Variants in DNAJC8 observed in about 807,000 individuals in gnomAD.
The protein encoded by DNAJC8 is DnaJ heat shock protein family (Hsp40) member C8, also known as dnaJ homolog subfamily C member 8.
DNAJC8 carries 24 observed loss-of-function variants against 43.2 expected under a neutral mutation model. That is an observed-to-expected ratio of 0.56 (90% CI 0.40 to 0.78). The LOEUF is 0.78. Among genes scored for constraint, DNAJC8 ranks in the 30% least tolerant of loss-of-function variants. The probability of loss-of-function intolerance (pLI) is 0.00; values close to 1 mark genes in which losing one functional copy is unlikely to be tolerated. For synonymous variants in DNAJC8, 83 were observed against 98.0 expected, an observed-to-expected ratio of 0.85 and a Z score of 0.90; for missense variants, 207 against 299.4, an observed-to-expected ratio of 0.69 and a Z score of 2.28.
At chr1:28,224,907 G>A (rs1646923604) in intron 2 of DNAJC8, among the ~76,000 whole-genome samples, 1 of 144,528 alleles carries the variant, frequency 6.9e-6, no homozygotes, top group Admixed American at 6.9e-5. Flanking sequence ...AAACCAAAGA[G>A]CCAAACACAG....
At chr1:28,219,156 T>C (rs1205413960) in intron 2 of DNAJC8, among the ~76,000 whole-genome samples, 2 of 152,098 alleles carry the variant, frequency 1.3e-5, no homozygotes, top group Non-Finnish European at 2.9e-5. Flanking sequence ...TACAACATGA[T>C]GTTATGGGAT....
At chr1:28,208,544 A>G (rs76274771) in intron 5 of DNAJC8, 131 bp from the exon 6 acceptor site, 1 of 438,494 alleles carries the variant, frequency 2.3e-6, no homozygotes, top group Non-Finnish European at 3.9e-6. Context: ...AAAAAAAAAA[A>G]GAGCCCCTCC....
chr1:28,214,305 CAGGTAGATCACTTG>C (rs895575985), intron 3 of DNAJC8, among the ~76,000 whole-genome samples: 11 of 152,118 alleles, frequency 7.2e-5, no homozygotes, highest in African/African-American at 2.7e-4. Context: ...GAGGCTGAAG[CAGGTAGATCACTTG>C]AGGTCAGGAG....
chr1:28,212,155 C>CAATAAATAAATA lies in DNAJC8; in HGVS notation c.238-1530_238-1519dup, dbSNP rs1553167901. Among the ~76,000 whole-genome samples the CAATAAATAAATA allele has an allele frequency of 3.2e-3, 109 of 34,130 alleles. 7 individuals are homozygous for CAATAAATAAATA. Among genetic ancestry groups the CAATAAATAAATA allele is most frequent in the East Asian group, 3.8e-3 (5 of 1,328 alleles). The allele number at this position is 34,130 out of a possible 152,430, so 22.4% of individuals were successfully genotyped here. ...TGGGTGACAGAGCCGGACTCCGTCTCAATAAATAAATAAATATATATATAT... is the reference window on the plus strand; with the variant it reads ...TGGGTGACAGAGCCGGACTCCGTCTCAATAAATAAATAAATAAATAAATAAATATATATATAT... On this transcript the variant is annotated intron_variant, in intron 3 of 8. Coordinates refer to ENST00000263697, the MANE Select transcript of DNAJC8 (RefSeq NM_014280.3).
intron 2 of DNAJC8, among the ~76,000 whole-genome samples, chr1:28,218,434 T>C (rs559830129): frequency 5.3e-5 from 8 of 151,696 alleles, no homozygotes; most frequent in Non-Finnish European, 1.0e-4. Flanking sequence ...TTTTTTTTTT[T>C]GAGACAGTGT....
chr1:28,216,996 T>TG (rs1239621331), intron 2 of DNAJC8, among the ~76,000 whole-genome samples: 1 of 151,808 alleles, frequency 6.6e-6, no homozygotes, highest in Non-Finnish European at 1.5e-5. Context: ...TTAGTAGAGA[T>TG]GGGGTTCCTC....
intron 1 of DNAJC8, 44 bp downstream of exon 1, chr1:28,232,877 G>C: frequency 1.9e-6 from 3 of 1,599,380 alleles, no homozygotes; most frequent in Non-Finnish European, 2.6e-6. Flanking sequence ...AAGCAGATCC[G>C]GGAGCGGTCG....
At chr1:28,205,441 C>T in intron 6 of DNAJC8, 92 bp from the exon 7 acceptor site, 1 of 927,686 alleles carries the variant, frequency 1.1e-6, no homozygotes, top group South Asian at 1.5e-5. Context: ...CAAGATAAAG[C>T]AGATTAAAAC....
At chr1:28,216,075 G>A (rs539159672) in intron 2 of DNAJC8, among the ~76,000 whole-genome samples, 32 of 152,056 alleles carry the variant, frequency 2.1e-4, no homozygotes, top group South Asian at 4.2e-4. Flanking sequence ...CTGGCCGGGC[G>A]CAGTGGCTCA....
At chr1:28,230,813 G>T (rs555837023) in intron 1 of DNAJC8, among the ~76,000 whole-genome samples, 9 of 152,246 alleles carry the variant, frequency 5.9e-5, no homozygotes, top group African/African-American at 2.2e-4. Context: ...CAGGTGTCTA[G>T]ACCTAAATGT....
chr1:28,221,356 A>G (rs1453981814), intron 2 of DNAJC8, among the ~76,000 whole-genome samples: 1 of 150,284 alleles, frequency 6.7e-6, no homozygotes, highest in African/African-American at 2.5e-5. Flanking sequence ...GGAAAAAGAG[A>G]AAGAAACAAA....
At chr1:28,211,440 C>T (rs1646810005) in intron 3 of DNAJC8, among the ~76,000 whole-genome samples, 1 of 152,212 alleles carries the variant, frequency 6.6e-6, no homozygotes, top group South Asian at 2.1e-4. Context: ...CTGAAAAAAT[C>T]TGAAATCTGA....
intron 3 of DNAJC8, 134 bp from the exon 4 acceptor site, chr1:28,210,771 T>C: frequency 1.7e-6 from 1 of 602,898 alleles, no homozygotes; most frequent in Non-Finnish European, 2.9e-6. Context: ...ATTTAAAAAA[T>C]TAACAAATCT....
intron 8 of DNAJC8, among the ~76,000 whole-genome samples, chr1:28,202,776 G>C (rs1646745673): frequency 6.7e-6 from 1 of 149,300 alleles, no homozygotes; most frequent in African/African-American, 2.5e-5. Context: ...TAGAGACAGG[G>C]TTTCACCATG....
In DNAJC8 at chr1:28,200,356, C is replaced by A; in HGVS notation, c.*892G>T. The A allele has an allele frequency of 2.6e-6, 1 of 387,340 alleles. No homozygotes were observed. Among genetic ancestry groups the A allele is most frequent in the South Asian group, 1.9e-5 (1 of 52,448 alleles). The allele number at this position is 387,340 out of a possible 1,614,324, so 24.0% of individuals were successfully genotyped here. On this transcript the variant is annotated 3_prime_UTR_variant, in exon 9 of 9. Coordinates refer to ENST00000263697, the MANE Select transcript of DNAJC8 (RefSeq NM_014280.3). Reference sequence around the variant, plus strand: ...CAGAAATAATAGGATATTGGCAATACCCAAGGAGCACTATGGTAGTTACCT... The same window carrying A: ...CAGAAATAATAGGATATTGGCAATAACCAAGGAGCACTATGGTAGTTACCT...
At chr1:28,219,337 T>C (rs754242955) in intron 2 of DNAJC8, among the ~76,000 whole-genome samples, 6 of 151,962 alleles carry the variant, frequency 3.9e-5, no homozygotes, top group Non-Finnish European at 7.4e-5. Context: ...TGAAACATCA[T>C]CTCTACTAAA....
chr1:28,230,910 T>G (rs1646969308), intron 1 of DNAJC8, among the ~76,000 whole-genome samples: 1 of 152,244 alleles, frequency 6.6e-6, no homozygotes, highest in Non-Finnish European at 1.5e-5. Context: ...TAACCCTGAA[T>G]AGCTCACAGC....
At chr1:28,229,488 A>T (rs1203087253) in intron 1 of DNAJC8, among the ~76,000 whole-genome samples, 1 of 152,108 alleles carries the variant, frequency 6.6e-6, no homozygotes, top group Non-Finnish European at 1.5e-5. Context: ...AGAAAAAAAA[A>T]ATAGGCTGGG....
At chr1:28,231,674 C>T (rs1296382831) in intron 1 of DNAJC8, among the ~76,000 whole-genome samples, 1 of 151,834 alleles carries the variant, frequency 6.6e-6, no homozygotes, top group Non-Finnish European at 1.5e-5. Flanking sequence ...AAGATCGTGC[C>T]ACTGCACTCC....
Sources: allele counts gnomAD v4.1 joint callset (sites outside exome capture counted in the v4.1 genomes callset), GRCh38; gene constraint gnomAD v4.1.1; transcripts MANE v1.5; gene names NCBI Gene and HGNC (gene_info 2026-07-23, HGNC 2026-07-21).